The following TCF7L2 variants were observed in gnomAD, a reference collection of about 807,000 sequenced individuals.
TCF7L2 encodes transcription factor 7-like 2.
Under a neutral mutation model 77.9 loss-of-function variants are expected in TCF7L2, and 23 were observed. The ratio of observed to expected loss-of-function variants is 0.30; its 90% CI spans 0.21 to 0.42. TCF7L2 has a LOEUF of 0.42. Ranked by LOEUF, TCF7L2 falls within the 10% of genes least tolerant of loss-of-function variation. TCF7L2 has a pLI of 1.00. For missense variants in TCF7L2, 654 were observed against 793.1 expected (o/e 0.82, Z 2.11); for synonymous variants, 413 against 340.2 (o/e 1.21, Z -2.36).
At chr10:112,983,115 T>C (rs1052959349) in intron 4 of TCF7L2, among the ~76,000 whole-genome samples, 8 of 151,892 alleles carry the variant, frequency 5.3e-5, no homozygotes, top group Non-Finnish European at 1.2e-4. Context: ...GTCTGCTCTG[T>C]TTTTGTTTTT....
At chr10:113,165,113 G>A (rs1008478285) in intron 13 of TCF7L2, among the ~76,000 whole-genome samples, 1 of 152,170 alleles carries the variant, frequency 6.6e-6, no homozygotes, top group African/African-American at 2.4e-5. Flanking sequence ...TGGTAGTGGT[G>A]GGAATGGGAG....
In TCF7L2 at chr10:112,951,261, A is replaced by G. The variant is rs1390109134; in HGVS notation, c.244A>G (p.Ser82Gly). The change falls in exon 2 of 14, where the codon AGT becomes GGT. Residue 82 changes from serine to glycine, a missense_variant. Transcript: ENST00000627217. ...AAGTTTCCGAGACAAATCCCGGGAA[A>G]GTTTGGAAGAAGGTGAGTACGCCCC... is the stretch of plus-strand genomic sequence containing the variant. 1.9e-6 allele frequency: 3 copies of G among 1,546,338 alleles called. No individual in the cohort carries two copies. Among genetic ancestry groups the G allele is most frequent in the Admixed American group, 3.8e-5 (2 of 53,128 alleles).
chr10:113,097,426 G>A (rs1343009981), intron 5 of TCF7L2, among the ~76,000 whole-genome samples: 1 of 152,090 alleles, frequency 6.6e-6, no homozygotes, highest in Non-Finnish European at 1.5e-5. Context: ...GCCAAGGCGG[G>A]TGAATCACCT....
chr10:113,070,478 G>T, intron 5 of TCF7L2, among the ~76,000 whole-genome samples: 1 of 151,750 alleles, frequency 6.6e-6, no homozygotes. Flanking sequence ...GCTTGCTATG[G>T]CCCATCTGCG....
chr10:113,154,110 G>A (rs1220669099), intron 11 of TCF7L2, among the ~76,000 whole-genome samples: 1 of 152,194 alleles, frequency 6.6e-6, no homozygotes, highest in Admixed American at 6.5e-5. Flanking sequence ...CCACTGCTTG[G>A]GACCTTTCTG....
At chr10:113,029,759 C>T (rs1293142378) in intron 4 of TCF7L2, among the ~76,000 whole-genome samples, 1 of 151,984 alleles carries the variant, frequency 6.6e-6, no homozygotes, top group Non-Finnish European at 1.5e-5. Flanking sequence ...AAACTCCTGA[C>T]CTCAGGTGAT....
chr10:113,155,226 A>G (rs549293740), intron 11 of TCF7L2, among the ~76,000 whole-genome samples: 1 of 152,294 alleles, frequency 6.6e-6, no homozygotes, highest in African/African-American at 2.4e-5. Context: ...AGCCCAAGAG[A>G]AAACATCTTG....
chr10:113,136,605 A>C (rs1456387882), intron 5 of TCF7L2, among the ~76,000 whole-genome samples: 1 of 152,142 alleles, frequency 6.6e-6, no homozygotes, highest in Non-Finnish European at 1.5e-5. Flanking sequence ...AGATGTATTT[A>C]GGTGAAATAG....
At chr10:113,080,491 G>A (rs1046565301) in intron 5 of TCF7L2, among the ~76,000 whole-genome samples, 1 of 152,118 alleles carries the variant, frequency 6.6e-6, no homozygotes, top group African/African-American at 2.4e-5. Context: ...GAATGGGGCT[G>A]GCAAGTCTTT....
At chr10:112,958,720 T>G (rs942930861) in intron 3 of TCF7L2, among the ~76,000 whole-genome samples, 4 of 152,138 alleles carry the variant, frequency 2.6e-5, no homozygotes, top group African/African-American at 9.7e-5. Context: ...TTGAGAGGAT[T>G]TGTGTGGGTC....
intron 5 of TCF7L2, among the ~76,000 whole-genome samples, chr10:113,069,973 T>G (rs990314611): frequency 3.3e-5 from 5 of 151,886 alleles, no homozygotes; most frequent in Non-Finnish European, 7.4e-5. Context: ...AAAAAAATTA[T>G]TGGGCCGGGC....
chr10:112,966,177 A>AATATACATATATATATATAT (rs1564721739), intron 4 of TCF7L2, among the ~76,000 whole-genome samples: 1 of 45,140 alleles, frequency 2.2e-5, no homozygotes. Flanking sequence ...CTCTGTCTAA[A>AATATACATATATATATATAT]ATATATTTAT....
At chr10:113,158,146 G>A in intron 12 of TCF7L2, 77 bp downstream of exon 12, 1 of 1,486,348 alleles carries the variant, frequency 6.7e-7, no homozygotes, top group Non-Finnish European at 9.2e-7. Context: ...TCCATCTGGG[G>A]GAGGCAGGAG....
chr10:113,119,256 T>TC (rs1328611812), intron 5 of TCF7L2, among the ~76,000 whole-genome samples: 1 of 152,082 alleles, frequency 6.6e-6, no homozygotes. Flanking sequence ...ATCTCATTTT[T>TC]CCCCCCTTAC....
At chr10:113,114,660 T>C (rs956998095) in intron 5 of TCF7L2, among the ~76,000 whole-genome samples, 8 of 152,240 alleles carry the variant, frequency 5.3e-5, no homozygotes, top group African/African-American at 1.9e-4. Flanking sequence ...TAGTGTAACC[T>C]AACACATTTA....
chr10:112,965,665 GT>G, intron 4 of TCF7L2, among the ~76,000 whole-genome samples: 1 of 139,958 alleles, frequency 7.1e-6, no homozygotes, highest in Non-Finnish European at 1.6e-5. Context: ...GTGTGTGTGT[GT>G]GTGTGTGTGT....
intron 5 of TCF7L2, among the ~76,000 whole-genome samples, chr10:113,074,261 G>A (rs2058452920): frequency 6.6e-6 from 1 of 152,092 alleles, no homozygotes; most frequent in South Asian, 2.1e-4. Flanking sequence ...AGAGATCAGA[G>A]ATAAAAATAT....
rs200561470 is a variant in TCF7L2, at chr10:113,151,908, G to C, written c.1161+24G>C. 17 of 1,573,440 alleles carry C rather than the reference G, an allele frequency of 1.1e-5. No individual in the cohort carries two copies. Among genetic ancestry groups the C allele is most frequent in the Non-Finnish European group, 2.6e-6 (3 of 1,163,768 alleles). On this transcript the variant is annotated intron_variant, in intron 10 of 13. Coordinates refer to ENST00000627217, the MANE Select transcript of TCF7L2 (RefSeq NM_001146274.2). The surrounding 1 kb of genome is among the most constrained non-coding windows in gnomAD (Gnocchi z 5.2). ...GGGTAGGTGACGCCCTTCTCAGGGA[G>C]AAGCGGGGGGCGGGTGGTGAGGGAC...
At chr10:112,953,035 T>C (rs1013118842) in intron 3 of TCF7L2, among the ~76,000 whole-genome samples, 1 of 152,162 alleles carries the variant, frequency 6.6e-6, no homozygotes, top group African/African-American at 2.4e-5. Flanking sequence ...TAACTCTAGA[T>C]AGCAATTTGA....
Sources: allele counts gnomAD v4.1 joint callset (sites outside exome capture counted in the v4.1 genomes callset), GRCh38; gene constraint gnomAD v4.1.1; non-coding constraint Gnocchi (gnomAD v3.1); transcripts MANE v1.5; gene names NCBI Gene and HGNC (gene_info 2026-07-23, HGNC 2026-07-21).